The following CEMIP variants were observed in gnomAD, a reference collection of about 807,000 sequenced individuals.
CEMIP encodes cell migration-inducing and hyaluronan-binding protein.
A neutral mutation model predicts 156.9 loss-of-function variants in CEMIP; 105 were observed. The ratio of observed to expected loss-of-function variants is 0.67; its 90% CI spans 0.57 to 0.79. The LOEUF is 0.79. Among genes scored for constraint, CEMIP ranks in the 30% least tolerant of loss-of-function variants. CEMIP has a pLI of 0.00. For synonymous variants in CEMIP, 676 were observed against 668.4 expected (o/e 1.01, Z -0.17); for missense variants, 1,457 against 1,769.4 (o/e 0.82, Z 3.17).
chr15:80,809,667 C>T lies in CEMIP; in HGVS notation c.-176+30053C>T, dbSNP rs117178531. Among the ~76,000 whole-genome samples the T allele has an allele frequency of 8.5e-3, 1,291 of 152,256 alleles. 8 individuals are homozygous for T. The highest frequency in any genetic ancestry group is 0.015 in the Admixed American group (223 of 15,288). On this transcript the variant is annotated intron_variant, in intron 1 of 29. Coordinates refer to ENST00000394685, the MANE Select transcript of CEMIP (RefSeq NM_001293298.2). ...ATCAAGGTGTTGGCCAGGCTTAGGT[C>T]TTGTCTAGAGGCTATGGGGGAAAAT... is the stretch of plus-strand genomic sequence containing the variant.
At chr15:80,850,405 T>G (rs1217128659) in intron 1 of CEMIP, among the ~76,000 whole-genome samples, 1 of 152,190 alleles carries the variant, frequency 6.6e-6, no homozygotes, top group African/African-American at 2.4e-5. Context: ...GCCTCCCAAG[T>G]AGCCGGGATT....
intron 1 of CEMIP, among the ~76,000 whole-genome samples, chr15:80,840,147 G>A (rs1474765495): frequency 6.6e-6 from 1 of 152,218 alleles, no homozygotes; most frequent in Non-Finnish European, 1.5e-5. Context: ...CTTCCTAGGG[G>A]CTCGGAGGGT....
chr15:80,881,180 T>C, intron 6 of CEMIP, 44 bp downstream of exon 6: 3 of 1,531,824 alleles, frequency 2.0e-6, no homozygotes, highest in Non-Finnish European at 2.7e-6. Flanking sequence ...TCATTCAAAG[T>C]ACACTTATTG....
At chr15:80,921,152 T>A (rs907783998) in intron 16 of CEMIP, 51 bp downstream of exon 16, 1 of 1,518,892 alleles carries the variant, frequency 6.6e-7, no homozygotes, top group African/African-American at 1.4e-5. Context: ...GGGGCTGGAG[T>A]CAGGGAGACA....
rs1450299539 is a variant in CEMIP at position 80,924,605 on chromosome 15, T to C, written c.2203-16T>C. On this transcript the variant is annotated splice_polypyrimidine_tract_variant and intron_variant, in intron 17 of 29. Transcript: ENST00000394685. ...CAGTAGAAACTAATGTGTCCCTGAA[T>C]ATCTCTTCCCTGCAGGCTGGCATGA... 10 of 1,612,772 alleles carry C rather than the reference T, an allele frequency of 6.2e-6. No individual in the cohort carries two copies. Among genetic ancestry groups the C allele is most frequent in the Non-Finnish European group, 8.5e-6 (10 of 1,178,868 alleles).
At chr15:80,886,014 T>A (rs1898824927) in intron 7 of CEMIP, among the ~76,000 whole-genome samples, 1 of 152,234 alleles carries the variant, frequency 6.6e-6, no homozygotes, top group Non-Finnish European at 1.5e-5. Context: ...ACCCTTCATT[T>A]GTTCACCCAT....
chr15:80,876,008 T>C (rs1430887869), intron 3 of CEMIP, among the ~76,000 whole-genome samples: 2 of 152,198 alleles, frequency 1.3e-5, no homozygotes, highest in Non-Finnish European at 2.9e-5. Context: ...CTCCTGCACT[T>C]GGAGAGTGAA....
intron 14 of CEMIP, among the ~76,000 whole-genome samples, chr15:80,912,951 C>T (rs551749939): frequency 6.6e-6 from 1 of 152,122 alleles, no homozygotes; most frequent in Non-Finnish European, 1.5e-5. Flanking sequence ...ATCACAGAAG[C>T]CTTTTTCCTA....
chr15:80,895,122 G>T lies in CEMIP; in HGVS notation c.1219G>T (p.Val407Leu). Residue 407 changes from valine to leucine, a missense_variant and splice_region_variant, in exon 11 of 30, where the codon GTG becomes TTG. Val to Leu is a conservative substitution (Grantham distance 32, BLOSUM62 1). This residue lies in a region of CEMIP where 280 missense variants were observed against 300.3 expected (regional missense o/e 0.93). Transcript: ENST00000394685. ...YRVRFLCGKPVRPKLTVTIDT... is the reference protein window; with the variant it reads ...YRVRFLCGKPLRPKLTVTIDT... ...TGTACGGTTCCTCTGTGGGAAGCCT[G>T]GTAAGCAGCCCCTTGTCGGGGACAC... The T allele has an allele frequency of 6.2e-7, 1 of 1,614,184 alleles. No individual in the cohort carries two copies. Among genetic ancestry groups the T allele is most frequent in the Non-Finnish European group, 8.5e-7 (1 of 1,180,018 alleles).
Position 80,829,376 on chromosome 15 carries a change from C to T in CEMIP, c.-175-44162C>T, listed in dbSNP as rs1480925137. Among the ~76,000 whole-genome samples the T allele has an allele frequency of 3.9e-5, 6 of 152,300 alleles. No individual in the cohort carries two copies. The South Asian group carries it at 8.3e-4, about 21-fold the overall frequency. On this transcript the variant is annotated intron_variant, in intron 1 of 29. Coordinates refer to ENST00000394685, the MANE Select transcript of CEMIP (RefSeq NM_001293298.2). Reference sequence around the variant, plus strand: ...AGCTGATGCCTTTGGGAATGAGATGCCTGCCTCTGCCACCCTTAGCTCCCT... The same window carrying T: ...AGCTGATGCCTTTGGGAATGAGATGTCTGCCTCTGCCACCCTTAGCTCCCT...
intron 1 of CEMIP, among the ~76,000 whole-genome samples, chr15:80,855,856 T>C (rs144464031): frequency 6.6e-6 from 1 of 152,334 alleles, no homozygotes; most frequent in Non-Finnish European, 1.5e-5. Flanking sequence ...TCCCATTTTA[T>C]TGGAGTTCCC....
intron 1 of CEMIP, among the ~76,000 whole-genome samples, chr15:80,836,411 C>T (rs538721526): frequency 1.6e-4 from 24 of 152,310 alleles, no homozygotes; most frequent in Admixed American, 1.5e-3. Flanking sequence ...GGCATCCCTG[C>T]GGGTTGTCTC....
At chr15:80,921,262 G>T (rs766743695) in intron 16 of CEMIP, among the ~76,000 whole-genome samples, 161 bp downstream of exon 16, 2 of 152,062 alleles carry the variant, frequency 1.3e-5, no homozygotes, top group East Asian at 3.9e-4. Context: ...CAGACTGGGG[G>T]TGGTGGGGCA....
At chr15:80,885,102 T>A (rs1334264824) in intron 7 of CEMIP, among the ~76,000 whole-genome samples, 3 of 152,172 alleles carry the variant, frequency 2.0e-5, no homozygotes, top group Non-Finnish European at 4.4e-5. Context: ...CCCCAGTGTG[T>A]GTTGTTCCCC....
At chr15:80,818,218 C>A (rs1179901430) in intron 1 of CEMIP, among the ~76,000 whole-genome samples, 1 of 152,214 alleles carries the variant, frequency 6.6e-6, no homozygotes, top group East Asian at 1.9e-4. Context: ...TGCAAGACCC[C>A]TTGCTGGGGA....
intron 1 of CEMIP, among the ~76,000 whole-genome samples, chr15:80,817,363 G>T (rs937441576): frequency 6.6e-6 from 1 of 152,028 alleles, no homozygotes; most frequent in Non-Finnish European, 1.5e-5. Context: ...GAGAGGACGA[G>T]GTGGGTGAAT....
chr15:80,941,643 T>C (rs377729988), intron 25 of CEMIP, among the ~76,000 whole-genome samples: 8 of 152,338 alleles, frequency 5.3e-5, no homozygotes, highest in East Asian at 3.9e-4. Flanking sequence ...CAGAATAGAA[T>C]TGCCATTCTC....
chr15:80,849,853 G>C (rs1186577165), intron 1 of CEMIP, among the ~76,000 whole-genome samples: 2 of 152,214 alleles, frequency 1.3e-5, no homozygotes, highest in Non-Finnish European at 2.9e-5. Flanking sequence ...GAGAGACAGA[G>C]ATGCTCAAGG....
At chr15:80,864,848 C>A (rs189495382) in intron 1 of CEMIP, among the ~76,000 whole-genome samples, 1 of 152,184 alleles carries the variant, frequency 6.6e-6, no homozygotes, top group Non-Finnish European at 1.5e-5. Flanking sequence ...GGATTTGTTA[C>A]GACAGCTTTC....
Sources: gnomAD v4.1 joint callset for allele counts (sites outside exome capture counted in the v4.1 genomes callset) on GRCh38, gnomAD v4.1.1 for gene constraint, gnomAD v4.1.1 regional missense constraint, MANE v1.5 for transcripts, NCBI Gene and HGNC (gene_info 2026-07-23, HGNC 2026-07-21) for gene names.